The following HMCN2 variants were observed in gnomAD, a reference collection of about 807,000 sequenced individuals.
The protein encoded by HMCN2 is hemicentin 2.
HMCN2 carries 325 observed loss-of-function variants against 377.5 expected under a neutral mutation model. That is an observed-to-expected ratio of 0.86 (90% CI 0.79 to 0.94). HMCN2 has a LOEUF of 0.94. Ranked by LOEUF, HMCN2 falls within the 40% of genes least tolerant of loss-of-function variation. The pLI is 0.00. For synonymous variants in HMCN2, 2,007 were observed against 2,046.8 expected, an observed-to-expected ratio of 0.98 and a Z score of 0.53; for missense variants, 4,543 against 4,725.3, an observed-to-expected ratio of 0.96 and a Z score of 1.13.
intron 35 of HMCN2, among the ~76,000 whole-genome samples, 157 bp downstream of exon 35, chr9:130,358,145 G>T (rs569646958): frequency 1.6e-4 from 24 of 152,196 alleles, no homozygotes; most frequent in Non-Finnish European, 2.9e-4. Flanking sequence ...AGCCTCTTCC[G>T]GGTCCTAGGA....
In HMCN2 at chr9:130,351,814, C is replaced by CTTTTTTTTT. The variant is rs200190526; in HGVS notation, c.4585+239_4585+240insTTTTTTTTT. Reference sequence around the variant, plus strand: ...CCATCCCAGCTCTAAAAATTTACTACTTATGTTTTTTTTTTGAGATGAATT... The same window carrying CTTTTTTTTT: ...CCATCCCAGCTCTAAAAATTTACTACTTTTTTTTTTTATGTTTTTTTTTTGAGATGAATT... On this transcript the variant is annotated intron_variant, in intron 30 of 97. Coordinates refer to ENST00000683500, the MANE Select transcript of HMCN2 (RefSeq NM_001291815.2). This position sits in a 1 kb window ranked among gnomAD's most constrained non-coding sequence, Gnocchi z 5.4. Among the ~76,000 whole-genome samples the CTTTTTTTTT allele has an allele frequency of 6.6e-6, 1 of 151,104 alleles. No homozygotes were observed.
rs1469902447 is a variant in HMCN2, at chr9:130,414,237, C to T, written c.12961+3585C>T. Among the ~76,000 whole-genome samples, 1 of 152,142 alleles carries T rather than the reference C, an allele frequency of 6.6e-6. No homozygotes were observed. The highest frequency in any genetic ancestry group is 1.5e-5 in the Non-Finnish European group (1 of 68,030). ...CATCTACTGAGTGGGAAGCTCCTCC[C>T]CCGTGTGGCCAGGTGGGCAGCGAGG... is the stretch of plus-strand genomic sequence containing the variant. On this transcript the variant is annotated intron_variant, in intron 85 of 97. Transcript: ENST00000683500. The surrounding 1 kb of genome is among the most constrained non-coding windows in gnomAD (Gnocchi z 4.4).
Position 130,347,519 on chromosome 9 carries a change from C to T in HMCN2, c.4024+159C>T, listed in dbSNP as rs1355600429. On this transcript the variant is annotated intron_variant, in intron 26 of 97. Transcript: ENST00000683500. The surrounding 1 kb of genome is among the most constrained non-coding windows in gnomAD (Gnocchi z 5.1). The stretch of plus-strand genomic sequence containing the variant: ...CCCAGGTGTGGCAGTGCCAGTTCCC[C>T]GGGGCCTGAAAGCTTCCTACACAGG... Among the ~76,000 whole-genome samples the T allele has an allele frequency of 4.6e-5, 7 of 152,170 alleles. No homozygotes were observed. The highest frequency in any genetic ancestry group is 9.7e-5 in the African/African-American group (4 of 41,424).
intron 1 of HMCN2, among the ~76,000 whole-genome samples, chr9:130,277,191 C>T (rs1394356046): frequency 3.3e-5 from 5 of 152,252 alleles, no homozygotes; most frequent in South Asian, 2.1e-4. Flanking sequence ...GAAAAAACCC[C>T]GCCTGTGGCT....
Position 130,373,462 on chromosome 9 carries a change from T to C in HMCN2, c.7438+338T>C, listed in dbSNP as rs557585849. Reference sequence around the variant, plus strand: ...AGCACTGACCCACATTGGACCATAGTGGCCTTGTGGCATCTGAGCTTCTTG... The same window carrying C: ...AGCACTGACCCACATTGGACCATAGCGGCCTTGTGGCATCTGAGCTTCTTG... On this transcript the variant is annotated intron_variant, in intron 48 of 97. Transcript: ENST00000683500. 1.2e-4 allele frequency among the ~76,000 whole-genome samples: 19 copies of C among 152,318 alleles called. No individual in the cohort carries two copies. In the East Asian group the frequency reaches 2.5e-3, roughly 20 times the overall value.
intron 22 of HMCN2, among the ~76,000 whole-genome samples, chr9:130,336,116 AAAGGAAGGAAAG>A (rs1436256926): frequency 6.6e-6 from 1 of 152,060 alleles, no homozygotes; most frequent in Non-Finnish European, 1.5e-5. Flanking sequence ...AGAGAGAGAG[AAAGGAAGGAAAG>A]AAGGAAGGAG....
chr9:130,389,652 G>A (rs900611942), intron 62 of HMCN2, among the ~76,000 whole-genome samples: 3 of 151,454 alleles, frequency 2.0e-5, no homozygotes, highest in South Asian at 2.1e-4. Context: ...TCGGCTCACT[G>A]CAACCTCTGC....
In HMCN2 at chr9:130,360,786, A is replaced by C. The variant is rs202138475; in HGVS notation, c.5950+182A>C. Among the ~76,000 whole-genome samples, 2 of 122,390 alleles carry C rather than the reference A, an allele frequency of 1.6e-5. No individual in the cohort carries two copies. Among genetic ancestry groups the C allele is most frequent in the Non-Finnish European group, 1.8e-5 (1 of 54,804 alleles). 80.3% of individuals were successfully genotyped at this position (122,390 alleles called of 152,430 possible). Reference sequence around the variant, plus strand: ...CATCCATCCATCCATCCATCCATCCATCCCACCCATCCATCCACCCATCCA... The same window carrying C: ...CATCCATCCATCCATCCATCCATCCCTCCCACCCATCCATCCACCCATCCA... On this transcript the variant is annotated intron_variant, in intron 38 of 97. Coordinates refer to ENST00000683500, the MANE Select transcript of HMCN2 (RefSeq NM_001291815.2). The surrounding 1 kb of genome is among the most constrained non-coding windows in gnomAD (Gnocchi z 4.7).
At chr9:130,281,753 G>A (rs951034700) in intron 1 of HMCN2, among the ~76,000 whole-genome samples, 1 of 152,108 alleles carries the variant, frequency 6.6e-6, no homozygotes, top group Non-Finnish European at 1.5e-5. Flanking sequence ...AATTAGCCGG[G>A]TGTGGTGGCA....
intron 6 of HMCN2, among the ~76,000 whole-genome samples, chr9:130,296,359 T>C (rs1343932015): frequency 6.6e-6 from 1 of 152,160 alleles, no homozygotes; most frequent in African/African-American, 2.4e-5. Context: ...AGAGCTGTAA[T>C]GCCAATGGGG....
chr9:130,334,870 G>C (rs1202258210), intron 22 of HMCN2, among the ~76,000 whole-genome samples: 2 of 134,634 alleles, frequency 1.5e-5, no homozygotes, highest in Non-Finnish European at 3.1e-5. Flanking sequence ...TTTCTTCACA[G>C]AGTCTTGCCC....
chr9:130,286,089 G>A, intron 3 of HMCN2, 99 bp from the exon 4 acceptor site: 1 of 431,388 alleles, frequency 2.3e-6, no homozygotes. Flanking sequence ...AGAGGAGAGG[G>A]CCCACTCCAG....
intron 19 of HMCN2, among the ~76,000 whole-genome samples, chr9:130,322,506 CAATT>C (rs1403811631): frequency 6.6e-6 from 1 of 152,088 alleles, no homozygotes; most frequent in Non-Finnish European, 1.5e-5. Flanking sequence ...TGTTTTCTGT[CAATT>C]AAGATTCAGA....
chr9:130,433,063 C>T, intron 97 of HMCN2: 1 of 442,006 alleles, frequency 2.3e-6, no homozygotes, highest in Admixed American at 4.2e-5. Context: ...AGGGGCACAT[C>T]GCTCCCCTGT....
At chr9:130,387,543 C>T (rs1297637508) in intron 61 of HMCN2, among the ~76,000 whole-genome samples, 1 of 152,228 alleles carries the variant, frequency 6.6e-6, no homozygotes, top group African/African-American at 2.4e-5. Flanking sequence ...GAAGTTGCAC[C>T]TGTCCCTTCT....
At chr9:130,298,244 A>C (rs527810166) in intron 7 of HMCN2, among the ~76,000 whole-genome samples, 2 of 152,252 alleles carry the variant, frequency 1.3e-5, no homozygotes, top group Non-Finnish European at 2.9e-5. Context: ...ATGAGCCACC[A>C]TGCCAGGCCA....
Position 130,408,832 on chromosome 9 carries a change from C to A in HMCN2, c.12778C>A (p.Pro4260Thr), listed in dbSNP as rs1350500840. Residue 4260 changes from proline to threonine, a missense_variant, in exon 84 of 98, where the codon CCA (proline) becomes ACA (threonine). Physicochemically the swap from Pro to Thr is conservative, Grantham distance 38 (BLOSUM62 -1). Around this residue, in one of 5 missense-constraint regions of HMCN2, gnomAD observed 1,073 missense variants for 1,319.5 expected, o/e 0.81. Coordinates refer to ENST00000683500, the MANE Select transcript of HMCN2 (RefSeq NM_001291815.2). ...GCTAGACTGTGTGGTGCGTGGAGACCCAGTGCCGGACATCCACTGGATCAA... is the reference window on the plus strand; with the variant it reads ...GCTAGACTGTGTGGTGCGTGGAGACACAGTGCCGGACATCCACTGGATCAA... The part of the protein sequence containing the change: ...IQLDCVVRGD[P>T]VPDIHWIKDG... The A allele has an allele frequency of 3.1e-6, 4 of 1,289,764 alleles. No homozygotes were observed. The highest frequency in any genetic ancestry group is 4.0e-6 in the Non-Finnish European group (4 of 988,844). 79.9% of individuals were successfully genotyped at this position (1,289,764 alleles called of 1,614,324 possible).
intron 22 of HMCN2, among the ~76,000 whole-genome samples, chr9:130,329,131 A>G (rs1838291245): frequency 6.6e-6 from 1 of 151,978 alleles, no homozygotes; most frequent in Non-Finnish European, 1.5e-5. Flanking sequence ...AAAACTTCAT[A>G]CTCATTGGCA....
rs1564862292 is a variant in HMCN2, at chr9:130,404,917, G to GCT, written c.12199_12200dup (p.His4068ProfsTer43). Reference sequence around the variant, plus strand: ...CTCCCAGACCTGTCCACCACCGAAGGCTCCCACGCCTTCTTGCCTTGCAAG... The same window carrying GCT: ...CTCCCAGACCTGTCCACCACCGAAGGCTCTCCCACGCCTTCTTGCCTTGCAAG... On this transcript the variant is annotated frameshift_variant, in exon 81 of 98. Transcript: ENST00000683500. LOFTEE classifies it high-confidence loss of function. 1 of 1,286,694 alleles carries GCT rather than the reference G, an allele frequency of 7.8e-7. No homozygotes were observed. Among genetic ancestry groups the GCT allele is most frequent in the Non-Finnish European group, 1.0e-6 (1 of 987,282 alleles). The allele number at this position is 1,286,694 out of a possible 1,614,324, so 79.7% of individuals were successfully genotyped here.
Sources: gnomAD v4.1 joint callset for allele counts (sites outside exome capture counted in the v4.1 genomes callset) on GRCh38, gnomAD v4.1.1 for gene constraint, gnomAD v4.1.1 regional missense constraint, Gnocchi (gnomAD v3.1) non-coding constraint, MANE v1.5 for transcripts, NCBI Gene and HGNC (gene_info 2026-07-23, HGNC 2026-07-21) for gene names.